Variants in HSPG2 observed in about 807,000 individuals in gnomAD.
HSPG2 encodes basement membrane-specific heparan sulfate proteoglycan core protein.
A neutral mutation model predicts 526.6 loss-of-function variants in HSPG2; 278 were observed. The observed-to-expected ratio is 0.53, with a 90% CI of 0.48 to 0.58. The LOEUF (loss-of-function observed/expected upper bound fraction) is 0.58. Among genes scored for constraint, HSPG2 ranks in the 20% least tolerant of loss-of-function variants. The probability of loss-of-function intolerance (pLI) is 0.00; values close to 1 mark genes in which losing one functional copy is unlikely to be tolerated. For missense variants in HSPG2, 5,354 were observed against 6,099.5 expected (o/e 0.88, Z 4.07); for synonymous variants, 2,465 against 2,555.4 (o/e 0.96, Z 1.07).
In HSPG2 at chr1:21,839,377, C is replaced by T. The variant is rs763146301; in HGVS notation, c.9883G>A (p.Val3295Met). 9.9e-6 allele frequency: 16 copies of T among 1,612,414 alleles called. No homozygotes were observed. The highest frequency in any genetic ancestry group is 3.3e-5 in the Admixed American group (2 of 59,992). The change falls in exon 73 of 97, where the codon GTG becomes ATG. Residue 3295 changes from valine (V) to methionine (M), a missense_variant. Coordinates refer to ENST00000374695, the MANE Select transcript of HSPG2 (RefSeq NM_005529.7). This position sits in a 1 kb window ranked among gnomAD's most constrained non-coding sequence, Gnocchi z 4.5. ...AGAAGGGATGAGGCCTTACTCTCCA[C>T]GTGCAGGATGATGGTGGCCTCAGCG... ...GHAEATIILH[V>M]ESPPYATTVP...
At position 21,880,849 on chromosome 1, in the gene HSPG2, G is replaced by A; in HGVS notation, c.1819-14C>T. 1 of 1,583,812 alleles carries A rather than the reference G, an allele frequency of 6.3e-7. No homozygotes were observed. The highest frequency in any genetic ancestry group is 8.6e-7 in the Non-Finnish European group (1 of 1,165,974). ...ATAGGAGTCCACCTGGCACAACAGG[G>A]TGGATCAGCACGGGCAGCTGTGGGC... On this transcript the variant is annotated splice_polypyrimidine_tract_variant and intron_variant, in intron 14 of 96. Transcript: ENST00000374695.
rs763146301 is a variant in HSPG2, at chr1:21,839,377, C to G, written c.9883G>C (p.Val3295Leu). Residue 3295 changes from valine (V) to leucine (L), a missense_variant, in exon 73 of 97, where the codon GTG (valine) becomes CTG (leucine). Coordinates refer to ENST00000374695, the MANE Select transcript of HSPG2 (RefSeq NM_005529.7). This position sits in a 1 kb window ranked among gnomAD's most constrained non-coding sequence, Gnocchi z 4.5. Reference sequence around the variant, plus strand: ...AGAAGGGATGAGGCCTTACTCTCCACGTGCAGGATGATGGTGGCCTCAGCG... The same window carrying G: ...AGAAGGGATGAGGCCTTACTCTCCAGGTGCAGGATGATGGTGGCCTCAGCG... ...GHAEATIILH[V>L]ESPPYATTVP... is the part of the protein sequence containing the mutation. The G allele has an allele frequency of 3.7e-6, 6 of 1,612,416 alleles. No individual in the cohort carries two copies. The South Asian group carries it at 4.4e-5, about 12-fold the overall frequency.
intron 9 of HSPG2, 69 bp from the exon 10 acceptor site, chr1:21,885,520 C>G (rs1402202909): frequency 1.3e-6 from 2 of 1,577,268 alleles, no homozygotes; most frequent in African/African-American, 1.3e-5. Context: ...CCCAGGGCCA[C>G]TCTCTCATCT....
intron 9 of HSPG2, among the ~76,000 whole-genome samples, chr1:21,886,120 C>T (rs1348787695): frequency 2.0e-5 from 3 of 152,238 alleles, no homozygotes; most frequent in Non-Finnish European, 2.9e-5. Flanking sequence ...TAGCCGTGGG[C>T]GCAGCTCAGG....
At position 21,829,974 on chromosome 1, in the gene HSPG2, C is replaced by T; in HGVS notation, c.11770+19G>A. The T allele has an allele frequency of 6.3e-7, 1 of 1,590,418 alleles. No homozygotes were observed. Among genetic ancestry groups the T allele is most frequent in the Non-Finnish European group, 8.6e-7 (1 of 1,167,586 alleles). ...GCTGACACTAGGACCCTGGGGGTCT[C>T]AGGCCTGGCTCCCCTCACCTTCCTC... On this transcript the variant is annotated intron_variant, in intron 86 of 96. Coordinates refer to ENST00000374695, the MANE Select transcript of HSPG2 (RefSeq NM_005529.7).
At position 21,864,950 on chromosome 1, in the gene HSPG2, T is replaced by A. The variant is rs557789671; in HGVS notation, c.4519A>T (p.Ser1507Cys). Reference protein sequence around the residue: ...FSSVPLAASISAVSLEVAQPG... With the variant: ...FSSVPLAASICAVSLEVAQPG... ...TGGGCGACCTCCAGGCTGACTGCGC[T>A]GATGCTGGCCGCCAGCGGCACGGAG... Residue 1507 changes from serine (S) to cysteine (C), a missense_variant, in exon 36 of 97, where the codon AGC (serine) becomes TGC (cysteine). Transcript: ENST00000374695. The surrounding 1 kb of genome is among the most constrained non-coding windows in gnomAD (Gnocchi z 4.8). The A allele has an allele frequency of 5.6e-6, 9 of 1,605,192 alleles. No homozygotes were observed. The African/African-American group carries it at 8.0e-5, about 14-fold the overall frequency.
chr1:21,884,503 A>G lies in HSPG2; in HGVS notation c.1654+25T>C, dbSNP rs1641732218. The stretch of plus-strand genomic sequence containing the variant: ...GAGGTACCCACCTCCCACCTCCCGC[A>G]GCGCTCACCCGCCCGCCAACGCACC... On this transcript the variant is annotated intron_variant, in intron 13 of 96. Coordinates refer to ENST00000374695, the MANE Select transcript of HSPG2 (RefSeq NM_005529.7). The G allele has an allele frequency of 6.2e-6, 10 of 1,610,654 alleles. No individual in the cohort carries two copies. The East Asian group carries it at 2.0e-4, about 32-fold the overall frequency.
intron 1 of HSPG2, among the ~76,000 whole-genome samples, chr1:21,926,856 T>C (rs575587456): frequency 2.7e-5 from 4 of 145,960 alleles, no homozygotes; most frequent in African/African-American, 1.0e-4. Flanking sequence ...TTTCAATCCA[T>C]CCAGCCCAGT....
chr1:21,862,976 C>G (rs568894093), intron 37 of HSPG2, among the ~76,000 whole-genome samples: 2 of 142,936 alleles, frequency 1.4e-5, no homozygotes, highest in Non-Finnish European at 3.0e-5. Flanking sequence ...AGGAGAATGG[C>G]GTGAACCCAG....
chr1:21,830,746 G>C, intron 85 of HSPG2: 1 of 548,018 alleles, frequency 1.8e-6, no homozygotes, highest in Non-Finnish European at 3.2e-6. Flanking sequence ...CCTGGGTGGC[G>C]GGGTAGTGGT....
intron 9 of HSPG2, among the ~76,000 whole-genome samples, 199 bp from the exon 10 acceptor site, chr1:21,885,650 GC>G (rs2152760654): frequency 6.6e-6 from 1 of 151,994 alleles, no homozygotes; most frequent in Admixed American, 6.6e-5. Context: ...ACATTACCCG[GC>G]CCCCACCCCT....
Position 21,876,350 on chromosome 1 carries a change from G to T in HSPG2, c.2882C>A (p.Thr961Asn), listed in dbSNP as rs746906969. The T allele has an allele frequency of 6.2e-7, 1 of 1,613,744 alleles. No individual in the cohort carries two copies. The highest frequency in any genetic ancestry group is 1.1e-5 in the South Asian group (1 of 90,944). ...GAAGATGCCCTCGTTGGTGGTGTGG[G>T]TGCTTGCGGCGTTGGTCAGGCTGAA... ...GHFSLTNAAS[T>N]HTTNEGIFSP... Residue 961 changes from threonine to asparagine, a missense_variant, in exon 23 of 97, where the codon ACC (threonine) becomes AAC (asparagine). Thr to Asn is a moderately conservative substitution (Grantham distance 65). Coordinates refer to ENST00000374695, the MANE Select transcript of HSPG2 (RefSeq NM_005529.7).
intron 1 of HSPG2, among the ~76,000 whole-genome samples, chr1:21,933,253 G>T (rs927787001): frequency 2.6e-5 from 4 of 151,820 alleles, no homozygotes; most frequent in African/African-American, 7.3e-5. Context: ...AAGAAACAAA[G>T]ACTGGTATAG....
Position 21,842,238 on chromosome 1 carries a change from C to G in HSPG2, c.9052+1G>C. ...TTGCCCATGGCATCTGCCATACTCA[C>G]GGTAGGAAGACCCCTCACTGGGCGG... On this transcript the variant is annotated splice_donor_variant, in intron 68 of 96. Coordinates refer to ENST00000374695, the MANE Select transcript of HSPG2 (RefSeq NM_005529.7). LOFTEE classifies it high-confidence loss of function. 1.9e-6 allele frequency: 3 copies of G among 1,613,548 alleles called. No individual in the cohort carries two copies. Among genetic ancestry groups the G allele is most frequent in the Non-Finnish European group, 1.7e-6 (2 of 1,179,856 alleles).
intron 67 of HSPG2, 62 bp downstream of exon 67, chr1:21,842,708 A>G (rs1383468832): frequency 1.2e-6 from 2 of 1,605,922 alleles, no homozygotes; most frequent in Admixed American, 3.3e-5. Context: ...GTTTGGGTAC[A>G]GAAAGCAACT....
In HSPG2 at chr1:21,872,137, G is replaced by A; in HGVS notation, c.4221+49C>T. On this transcript the variant is annotated intron_variant, in intron 33 of 96. Coordinates refer to ENST00000374695, the MANE Select transcript of HSPG2 (RefSeq NM_005529.7). The surrounding 1 kb of genome is among the most constrained non-coding windows in gnomAD (Gnocchi z 5.5). ...GCCTGCTGAGAGACGGCGCAGAGGT[G>A]AACTCATGTCTGAGTCACGGCTGAC... The A allele has an allele frequency of 6.5e-7, 1 of 1,534,926 alleles. No individual in the cohort carries two copies. Among genetic ancestry groups the A allele is most frequent in the Non-Finnish European group, 8.8e-7 (1 of 1,132,144 alleles).
intron 33 of HSPG2, among the ~76,000 whole-genome samples, chr1:21,871,073 G>A (rs572110558): frequency 2.6e-5 from 4 of 152,226 alleles, no homozygotes; most frequent in East Asian, 3.9e-4. Context: ...ACCCCAGAGC[G>A]TGGGTGCCAC....
intron 1 of HSPG2, among the ~76,000 whole-genome samples, chr1:21,906,633 G>T (rs755007055): frequency 6.6e-6 from 1 of 151,780 alleles, no homozygotes; most frequent in Non-Finnish European, 1.5e-5. Flanking sequence ...GGGAATAGGC[G>T]CGGGGGAGAC....
At position 21,836,980 on chromosome 1, in the gene HSPG2, A is replaced by T; in HGVS notation, c.10177T>A (p.Ser3393Thr). The change falls in exon 75 of 97, where the codon TCC becomes ACC. Residue 3393 changes from serine to threonine, a missense_variant. Physicochemically the swap from Ser to Thr is moderately conservative, Grantham distance 58 (BLOSUM62 1). Coordinates refer to ENST00000374695, the MANE Select transcript of HSPG2 (RefSeq NM_005529.7). The part of the protein sequence containing the change: ...QGPPGSLPAT[S>T]IPAGSTPTVQ... ...GTGGGCGTGGACCCTGCTGGGATGG[A>T]GGTGGCAGGGAGAGAGCCGGGAGGG... 6.4e-7 allele frequency: 1 copy of T among 1,553,376 alleles called. No homozygotes were observed. Among genetic ancestry groups the T allele is most frequent in the East Asian group, 2.4e-5 (1 of 41,146 alleles).
Sources: allele counts gnomAD v4.1 joint callset (sites outside exome capture counted in the v4.1 genomes callset), GRCh38; gene constraint gnomAD v4.1.1; non-coding constraint Gnocchi (gnomAD v3.1); transcripts MANE v1.5; gene names NCBI Gene and HGNC (gene_info 2026-07-23, HGNC 2026-07-21).